Variants in DTNBP1 observed in about 807,000 individuals in gnomAD.
The protein encoded by DTNBP1 is dystrobrevin binding protein 1.
In DTNBP1, 35 loss-of-function variants were observed where a neutral mutation model predicts 42.8. That is an observed-to-expected ratio of 0.82 (90% CI 0.63 to 1.09). The LOEUF is 1.09. Ranked by LOEUF, DTNBP1 falls within the 50% of genes least tolerant of loss-of-function variation. DTNBP1 has a pLI of 0.00. For synonymous variants in DTNBP1, 171 were observed against 162.2 expected (o/e 1.05, Z -0.41); for missense variants, 457 against 424.2 (o/e 1.08, Z -0.68).
chr6:15,649,530 A>AACAGGTAC (rs1158639339), intron 3 of DTNBP1, among the ~76,000 whole-genome samples: 1 of 152,198 alleles, frequency 6.6e-6, no homozygotes, highest in Non-Finnish European at 1.5e-5. Flanking sequence ...GTTGTTGGTT[A>AACAGGTAC]ACAGGTACAG....
At chr6:15,596,334 ACT>A (rs1776514409) in intron 6 of DTNBP1, among the ~76,000 whole-genome samples, 1 of 152,150 alleles carries the variant, frequency 6.6e-6, no homozygotes, top group Non-Finnish European at 1.5e-5. Flanking sequence ...CCTTCAGCCT[ACT>A]CGAGGATTTA....
intron 7 of DTNBP1, chr6:15,548,438 GACAC>G (rs3045754): frequency 0.36 from 49,073 of 136,328 alleles, 8,800 homozygotes; most frequent in East Asian, 0.45. Context: ...AACACACACA[GACAC>G]ACACACACAC....
At chr6:15,529,902 GC>G (rs1554153193) in intron 8 of DTNBP1, among the ~76,000 whole-genome samples, 1 of 152,238 alleles carries the variant, frequency 6.6e-6, no homozygotes, top group Non-Finnish European at 1.5e-5. Context: ...TGGGGCCCAG[GC>G]CCCCTCTGCT....
At chr6:15,662,559 G>C (rs1322632466) in intron 1 of DTNBP1, among the ~76,000 whole-genome samples, 1 of 152,154 alleles carries the variant, frequency 6.6e-6, no homozygotes, top group Non-Finnish European at 1.5e-5. Context: ...CCCCCCGGGC[G>C]CTCCGCTGCG....
chr6:15,530,290 C>T (rs1393242356), intron 8 of DTNBP1, among the ~76,000 whole-genome samples: 1 of 152,168 alleles, frequency 6.6e-6, no homozygotes, highest in Non-Finnish European at 1.5e-5. Flanking sequence ...GATGAGATGC[C>T]CGATTCCCGT....
chr6:15,577,840 C>T (rs1452699620), intron 7 of DTNBP1, among the ~76,000 whole-genome samples: 2 of 152,182 alleles, frequency 1.3e-5, no homozygotes, highest in African/African-American at 4.8e-5. Context: ...ACTTCAACAT[C>T]TCCGGTGGGA....
At chr6:15,557,739 C>A (rs1042844015) in intron 7 of DTNBP1, among the ~76,000 whole-genome samples, 7 of 152,114 alleles carry the variant, frequency 4.6e-5, no homozygotes, top group Non-Finnish European at 2.9e-5. Flanking sequence ...CTAAGTTCTC[C>A]TGTATTAACA....
chr6:15,551,797 G>A (rs551241166), intron 7 of DTNBP1, among the ~76,000 whole-genome samples: 55 of 152,320 alleles, frequency 3.6e-4, no homozygotes, highest in African/African-American at 1.3e-3. Flanking sequence ...GGTACTGGTA[G>A]CAATCACTAA....
chr6:15,590,136 G>C (rs963907679), intron 7 of DTNBP1, among the ~76,000 whole-genome samples: 4 of 152,172 alleles, frequency 2.6e-5, no homozygotes, highest in Admixed American at 2.6e-4. Flanking sequence ...GTTTCACCAT[G>C]CTGGCCAGGT....
intron 5 of DTNBP1, among the ~76,000 whole-genome samples, chr6:15,623,336 ACT>A (rs1322322532): frequency 1.3e-5 from 2 of 152,152 alleles, no homozygotes; most frequent in African/African-American, 4.8e-5. Context: ...AAAAACACAA[ACT>A]CAGTATACGG....
At chr6:15,646,030 T>C (rs1760660696) in intron 3 of DTNBP1, among the ~76,000 whole-genome samples, 1 of 151,970 alleles carries the variant, frequency 6.6e-6, no homozygotes. Flanking sequence ...CATGATTACA[T>C]ACCCAGAAAA....
At chr6:15,546,483 T>C (rs1257161767) in intron 7 of DTNBP1, among the ~76,000 whole-genome samples, 3 of 152,168 alleles carry the variant, frequency 2.0e-5, no homozygotes, top group African/African-American at 7.2e-5. Flanking sequence ...CAGATTAGCA[T>C]TAAGGAATCT....
At chr6:15,537,410 C>A (rs574158990) in intron 7 of DTNBP1, among the ~76,000 whole-genome samples, 63 of 149,076 alleles carry the variant, frequency 4.2e-4, no homozygotes, top group African/African-American at 1.3e-3. Flanking sequence ...GCCTGGGCGA[C>A]AGCGTGAGAC....
intron 6 of DTNBP1, among the ~76,000 whole-genome samples, chr6:15,611,316 G>C (rs770915549): frequency 6.6e-6 from 1 of 151,998 alleles, no homozygotes; most frequent in Non-Finnish European, 1.5e-5. Context: ...CTACTGTTCA[G>C]ACCTACTGCT....
intron 7 of DTNBP1, among the ~76,000 whole-genome samples, chr6:15,560,792 C>T (rs1302337201): frequency 2.0e-5 from 3 of 152,170 alleles, no homozygotes; most frequent in African/African-American, 7.2e-5. Flanking sequence ...ACAATTTATC[C>T]AACTCACACA....
At chr6:15,626,685 GAAC>G (rs2113736440) in intron 5 of DTNBP1, among the ~76,000 whole-genome samples, 1 of 152,214 alleles carries the variant, frequency 6.6e-6, no homozygotes, top group Non-Finnish European at 1.5e-5. Flanking sequence ...CCATCCAAAT[GAAC>G]AACGACAAAA....
At chr6:15,606,402 AC>A (rs1160433032) in intron 6 of DTNBP1, among the ~76,000 whole-genome samples, 3 of 152,170 alleles carry the variant, frequency 2.0e-5, no homozygotes, top group Admixed American at 1.3e-4. Flanking sequence ...AAAAAAGAAG[AC>A]ACATTTGGGT....
chr6:15,605,167 A>G (rs964952929), intron 6 of DTNBP1, among the ~76,000 whole-genome samples: 2 of 152,218 alleles, frequency 1.3e-5, no homozygotes, highest in African/African-American at 4.8e-5. Flanking sequence ...AAACTTGGAA[A>G]TAAGAAATAT....
chr6:15,619,667 A>T (rs976576383), intron 5 of DTNBP1, among the ~76,000 whole-genome samples: 4 of 152,072 alleles, frequency 2.6e-5, no homozygotes, highest in South Asian at 4.1e-4. Flanking sequence ...GTAAAAAAAA[A>T]TTAATAAAGT....
Sources: gnomAD v4.1 joint callset for allele counts (sites outside exome capture counted in the v4.1 genomes callset) on GRCh38, gnomAD v4.1.1 for gene constraint, MANE v1.5 for transcripts, NCBI Gene and HGNC (gene_info 2026-07-23, HGNC 2026-07-21) for gene names.